Variants in CNIH3 observed in about 807,000 individuals in gnomAD.
CNIH3 encodes protein cornichon homolog 3.
A neutral mutation model predicts 24.1 loss-of-function variants in CNIH3; 14 were observed. That is an observed-to-expected ratio of 0.58 (90% confidence interval 0.38 to 0.91). CNIH3 has a LOEUF of 0.91. Among genes scored for constraint, CNIH3 ranks in the 40% least tolerant of loss-of-function variants. The probability of loss-of-function intolerance (pLI) is 0.00; values close to 1 mark genes in which losing one functional copy is unlikely to be tolerated. For synonymous variants in CNIH3, 68 were observed against 73.8 expected, an observed-to-expected ratio of 0.92 and a Z score of 0.40; for missense variants, 178 against 196.8, an observed-to-expected ratio of 0.90 and a Z score of 0.57.
intron 3 of CNIH3, among the ~76,000 whole-genome samples, chr1:224,551,206 A>C (rs1011585986): frequency 6.6e-6 from 1 of 152,070 alleles, no homozygotes; most frequent in Non-Finnish European, 1.5e-5. Context: ...TTGACCCAGC[A>C]ATCCCATTAC....
chr1:224,522,801 C>G (rs1344637844), intron 2 of CNIH3, among the ~76,000 whole-genome samples: 2 of 152,228 alleles, frequency 1.3e-5, no homozygotes, highest in African/African-American at 4.8e-5. Flanking sequence ...CCCTCATCCT[C>G]TGCTGGTGGG....
At chr1:224,464,834 TG>T (rs1175717611) in intron 1 of CNIH3, among the ~76,000 whole-genome samples, 1 of 152,218 alleles carries the variant, frequency 6.6e-6, no homozygotes, top group Non-Finnish European at 1.5e-5. Flanking sequence ...CTTGCTCTAT[TG>T]CCCAGGCTGA....
At chr1:224,706,024 T>A (rs1242008295) in intron 3 of CNIH3, among the ~76,000 whole-genome samples, 1 of 152,088 alleles carries the variant, frequency 6.6e-6, no homozygotes, top group Non-Finnish European at 1.5e-5. Flanking sequence ...TAGGCAGCAC[T>A]GCATTTTTCT....
chr1:224,593,372 C>T (rs143801618), downstream of CNIH3, among the ~76,000 whole-genome samples: 365 of 152,190 alleles, frequency 2.4e-3, 2 homozygotes, highest in South Asian at 5.4e-3. Flanking sequence ...TTGCTGCATC[C>T]GGTCCACACA....
At chr1:224,693,732 A>C (rs1440964298) in intron 3 of CNIH3, among the ~76,000 whole-genome samples, 3 of 152,226 alleles carry the variant, frequency 2.0e-5, no homozygotes, top group Non-Finnish European at 4.4e-5. Flanking sequence ...TGCTGCCTTG[A>C]TTGTGAAAAT....
intron 3 of CNIH3, among the ~76,000 whole-genome samples, chr1:224,557,367 GAGTCTTACAAT>G (rs1680180218): frequency 6.6e-6 from 1 of 151,982 alleles, no homozygotes; most frequent in African/African-American, 2.4e-5. Context: ...CTCTTAGAAG[GAGTCTTACAAT>G]AGTGCTTTCT....
At chr1:224,645,377 G>A (rs554270380) in intron 1 of CNIH3, among the ~76,000 whole-genome samples, 39 of 152,356 alleles carry the variant, frequency 2.6e-4, no homozygotes, top group Admixed American at 3.3e-4. Flanking sequence ...CCAGAGAAGC[G>A]CGAGAGAGAC....
chr1:224,542,841 C>T (rs16849369), intron 2 of CNIH3, among the ~76,000 whole-genome samples: 29,829 of 152,178 alleles, frequency 0.2, 3,101 homozygotes, highest in South Asian at 0.35. Flanking sequence ...ATGATATTCT[C>T]CTGCTATTGT....
Position 224,732,829 on chromosome 1 carries a change from T to C in CNIH3, c.312-1734T>C, listed in dbSNP as rs1689406626. On this transcript the variant is annotated intron_variant, in intron 4 of 5. Transcript: ENST00000272133. ...CGTAGACTAGGAAAGTTGATCTCTA[T>C]GGAGGAAGGGAGGGGCTGCAATCTC... 1.3e-5 allele frequency among the ~76,000 whole-genome samples: 2 copies of C among 152,176 alleles called. 1 individual carries two copies. Among genetic ancestry groups the C allele is most frequent in the South Asian group, 4.1e-4 (2 of 4,822 alleles).
intron 1 of CNIH3, among the ~76,000 whole-genome samples, chr1:224,674,380 C>G (rs5002414): frequency 2.2e-5 from 3 of 135,488 alleles, no homozygotes; most frequent in Non-Finnish European, 4.6e-5. Context: ...AATCTCCTAA[C>G]TATAAATTCT....
At chr1:224,558,153 TG>T (rs1680219967) in intron 3 of CNIH3, among the ~76,000 whole-genome samples, 1 of 152,154 alleles carries the variant, frequency 6.6e-6, no homozygotes, top group Non-Finnish European at 1.5e-5. Context: ...ATGGCTGGAT[TG>T]GGGTCAACGA....
downstream of CNIH3, among the ~76,000 whole-genome samples, chr1:224,591,808 T>C (rs1015937351): frequency 2.0e-5 from 3 of 152,212 alleles, no homozygotes; most frequent in Non-Finnish European, 4.4e-5. Context: ...TGCTATTTAC[T>C]GTATGACCTT....
At chr1:224,585,237 A>T (rs1681449696) in intron 5 of CNIH3, among the ~76,000 whole-genome samples, 1 of 151,954 alleles carries the variant, frequency 6.6e-6, no homozygotes, top group African/African-American at 2.4e-5. Flanking sequence ...CTACTCGCTT[A>T]TTTTTCCAGG....
rs557402590 is a variant in CNIH3 at position 224,728,597 on chromosome 1, G to A, written c.199-1865G>A. Among the ~76,000 whole-genome samples, 4 of 152,320 alleles carry A rather than the reference G, an allele frequency of 2.6e-5. No homozygotes were observed. The South Asian group carries it at 8.3e-4, about 32-fold the overall frequency. ...CCCATAGTTACAAAATGTCTTACAC[G>A]TGTGCTGTGCATGTCTTTATTTTTA... On this transcript the variant is annotated intron_variant, in intron 3 of 5. Transcript: ENST00000272133.
At chr1:224,577,242 A>G (rs1012083069) in intron 4 of CNIH3, among the ~76,000 whole-genome samples, 2 of 152,246 alleles carry the variant, frequency 1.3e-5, no homozygotes, top group Non-Finnish European at 2.9e-5. Flanking sequence ...CTGCACAGCA[A>G]AAGAAATAAT....
chr1:224,454,262 T>C (rs1392899166), intron 1 of CNIH3: 9 of 978,662 alleles, frequency 9.2e-6, no homozygotes, highest in Non-Finnish European at 1.1e-5. Flanking sequence ...AGTAAGTTTT[T>C]TTTTTTTTTT....
chr1:224,661,317 A>G (rs950759820), intron 1 of CNIH3: 13 of 295,766 alleles, frequency 4.4e-5, no homozygotes, highest in South Asian at 3.6e-4. Flanking sequence ...TTTCAGTAGA[A>G]GTTGATACAC....
chr1:224,694,728 A>G (rs1687084113), intron 3 of CNIH3, among the ~76,000 whole-genome samples: 1 of 152,264 alleles, frequency 6.6e-6, no homozygotes, highest in Non-Finnish European at 1.5e-5. Flanking sequence ...GCATGTATAC[A>G]CCATGGAATA....
chr1:224,709,843 C>T (rs1375426143), intron 3 of CNIH3, among the ~76,000 whole-genome samples: 3 of 152,186 alleles, frequency 2.0e-5, no homozygotes, highest in Non-Finnish European at 4.4e-5. Flanking sequence ...ATCCATGGGG[C>T]ATATGTTCTG....
Sources: gnomAD v4.1 joint callset for allele counts (sites outside exome capture counted in the v4.1 genomes callset) on GRCh38, gnomAD v4.1.1 for gene constraint, MANE v1.5 for transcripts, NCBI Gene and HGNC (gene_info 2026-07-23, HGNC 2026-07-21) for gene names.